NUDT4: variants seen among roughly 807,000 people sequenced by gnomAD.
NUDT4 encodes the protein diphosphoinositol polyphosphate phosphohydrolase 2.
In NUDT4, 5 loss-of-function variants were observed where a neutral mutation model predicts 23.1. The ratio of observed to expected loss-of-function variants is 0.22; its 90% CI spans 0.11 to 0.46. The LOEUF (loss-of-function observed/expected upper bound fraction) is 0.46. Among genes scored for constraint, NUDT4 ranks in the 20% least tolerant of loss-of-function variants. NUDT4 has a pLI of 0.99. For synonymous variants in NUDT4, 50 were observed against 79.0 expected, an observed-to-expected ratio of 0.63 and a Z score of 1.95; for missense variants, 96 against 211.6, an observed-to-expected ratio of 0.45 and a Z score of 3.39.
chr12:93,384,456 C>T (rs140638275), intron 1 of NUDT4, among the ~76,000 whole-genome samples: 4 of 152,258 alleles, frequency 2.6e-5, no homozygotes, highest in African/African-American at 9.6e-5. Flanking sequence ...CGTGAGCCAC[C>T]GTGCCTGGCC....
rs1329839236 is a variant in NUDT4, at chr12:93,406,770, T to A, written c.*7391T>A. 2 of 151,866 alleles carry A rather than the reference T, an allele frequency of 1.3e-5. No individual in the cohort carries two copies. The highest frequency in any genetic ancestry group is 1.9e-4 in the East Asian group (1 of 5,176). 9.4% of individuals were successfully genotyped at this position (151,866 alleles called of 1,614,324 possible). A position where few individuals can be genotyped will look rare whatever the true frequency, so the allele number is the denominator to read the frequency against. ...GTGTAGATTGTATGCATATACAACA[T>A]CATTTTATTCCAGAGACTTGAGCAT... On this transcript the variant is annotated 3_prime_UTR_variant, in exon 5 of 5. Coordinates refer to ENST00000415493, the MANE Select transcript of NUDT4 (RefSeq NM_019094.6).
At chr12:93,392,325 G>C (rs1237785974) in intron 1 of NUDT4, among the ~76,000 whole-genome samples, 1 of 140,604 alleles carries the variant, frequency 7.1e-6, no homozygotes. Context: ...GCATGATCTC[G>C]GCTCACTGCA....
At chr12:93,382,879 TC>T (rs917593825) in intron 1 of NUDT4, among the ~76,000 whole-genome samples, 10 of 152,010 alleles carry the variant, frequency 6.6e-5, no homozygotes, top group African/African-American at 2.4e-4. Flanking sequence ...GCCAGGATGG[TC>T]TTGATCTCCT....
intron 1 of NUDT4, among the ~76,000 whole-genome samples, chr12:93,381,984 A>G (rs10859488): frequency 0.49 from 75,007 of 152,034 alleles, 19,406 homozygotes; most frequent in African/African-American, 0.65. Context: ...CAGGCCAGGC[A>G]GGTGGCTCAT....
intron 1 of NUDT4, among the ~76,000 whole-genome samples, chr12:93,390,705 G>C (rs1160444323): frequency 6.6e-6 from 1 of 152,162 alleles, no homozygotes; most frequent in South Asian, 2.1e-4. Flanking sequence ...CCTGGGCTCA[G>C]GTGATCCCTT....
rs183176380 is a variant in NUDT4 at position 93,384,714 on chromosome 12, T to G, written c.99+6293T>G. ...ATAGATCATTCTAATTCATAGACTT[T>G]TATCCAATAAGATTTAGGGTTGGTT... On this transcript the variant is annotated intron_variant, in intron 1 of 4. Coordinates refer to ENST00000415493, the MANE Select transcript of NUDT4 (RefSeq NM_019094.6). 3.5e-3 allele frequency among the ~76,000 whole-genome samples: 537 copies of G among 152,300 alleles called. 2 individuals carry two copies. Among genetic ancestry groups the G allele is most frequent in the Non-Finnish European group, 5.8e-3 (395 of 68,034 alleles).
intron 1 of NUDT4, among the ~76,000 whole-genome samples, chr12:93,389,113 G>A (rs1407948682): frequency 1.3e-5 from 2 of 152,210 alleles, no homozygotes; most frequent in Non-Finnish European, 2.9e-5. Context: ...TAAGCTAGTA[G>A]TTTAGATGTG....
At chr12:93,384,207 C>T (rs1226985018) in intron 1 of NUDT4, among the ~76,000 whole-genome samples, 2 of 151,322 alleles carry the variant, frequency 1.3e-5, no homozygotes, top group African/African-American at 2.4e-5. Context: ...CTCGCTCTGT[C>T]ACCAGGCTGG....
intron 1 of NUDT4, among the ~76,000 whole-genome samples, chr12:93,379,683 A>G (rs1875514269): frequency 1.3e-5 from 2 of 152,214 alleles, no homozygotes; most frequent in Admixed American, 1.3e-4. Flanking sequence ...GTGCAGAGAA[A>G]TACGGCCCCA....
rs1237480465 is a variant in NUDT4, at chr12:93,378,358, C to T, written c.36C>T (p.Tyr12=). 3.3e-6 allele frequency: 5 copies of T among 1,532,008 alleles called. No individual in the cohort carries two copies. The African/African-American group carries it at 5.5e-5, about 17-fold the overall frequency. The allele number at this position is 1,532,008 out of a possible 1,614,324, so 94.9% of individuals were successfully genotyped here. A position where few individuals can be genotyped will look rare whatever the true frequency, so the allele number is the denominator to read the frequency against. The change falls in exon 1 of 5, where the codon TAC becomes TAT. Residue 12 remains tyrosine (Y), a synonymous_variant. Coordinates refer to ENST00000415493, the MANE Select transcript of NUDT4 (RefSeq NM_019094.6). ...TCAAGCCCAACCAGACGCGGACCTA[C>T]GACCGCGAGGGCTTCAAGAAGCGGG... ...MKFKPNQTRT[Y]DREGFKKRAA... is the part of the protein sequence containing the mutation.
intron 1 of NUDT4, among the ~76,000 whole-genome samples, 168 bp from the exon 2 acceptor site, chr12:93,394,441 A>G (rs995747585): frequency 2.0e-5 from 3 of 152,254 alleles, no homozygotes; most frequent in African/African-American, 4.8e-5. Flanking sequence ...TGTTTAACAA[A>G]GGTTGTCAAT....
chr12:93,397,705 A>C lies in NUDT4; in HGVS notation c.256-1066A>C, dbSNP rs114047443. ...GCCCGGCTAATATTTTCGTATTTTT[A>C]GTAGAGACGGGGTTTCACCATGTTG... On this transcript the variant is annotated intron_variant, in intron 3 of 4. Coordinates refer to ENST00000415493, the MANE Select transcript of NUDT4 (RefSeq NM_019094.6). Among the ~76,000 whole-genome samples, 1,505 of 152,122 alleles carry C rather than the reference A, an allele frequency of 9.9e-3. 30 individuals are homozygous for C. Among genetic ancestry groups the C allele is most frequent in the African/African-American group, 0.034 (1,420 of 41,508 alleles).
At chr12:93,380,386 ATAT>A in intron 1 of NUDT4, among the ~76,000 whole-genome samples, 1 of 152,202 alleles carries the variant, frequency 6.6e-6, no homozygotes, top group Non-Finnish European at 1.5e-5. Flanking sequence ...TTATGCTTGG[ATAT>A]TATTTCTACT....
At chr12:93,389,454 T>C (rs1184595329) in intron 1 of NUDT4, among the ~76,000 whole-genome samples, 1 of 151,818 alleles carries the variant, frequency 6.6e-6, no homozygotes, top group Non-Finnish European at 1.5e-5. Flanking sequence ...TGGATTGTGC[T>C]AAATCACTTA....
chr12:93,392,887 T>G (rs1876655348), intron 1 of NUDT4, among the ~76,000 whole-genome samples: 1 of 133,294 alleles, frequency 7.5e-6, no homozygotes, highest in Non-Finnish European at 1.6e-5. Flanking sequence ...CCATGTTTTG[T>G]CCAGGCTGGT....
intron 1 of NUDT4, among the ~76,000 whole-genome samples, chr12:93,382,299 A>G (rs896270588): frequency 6.6e-6 from 1 of 150,428 alleles, no homozygotes; most frequent in Non-Finnish European, 1.5e-5. Context: ...AAAAACCACT[A>G]CTCTTCCATA....
intron 1 of NUDT4, among the ~76,000 whole-genome samples, chr12:93,380,627 A>G (rs554867162): frequency 3.0e-4 from 45 of 152,336 alleles, no homozygotes; most frequent in African/African-American, 9.6e-4. Flanking sequence ...TGCACAGCCA[A>G]TTTTAACATC....
chr12:93,398,667 G>A (rs765663933), intron 3 of NUDT4, 104 bp from the exon 4 acceptor site: 11 of 692,236 alleles, frequency 1.6e-5, no homozygotes, highest in Non-Finnish European at 2.3e-5. Flanking sequence ...TGGGAAATAC[G>A]CTATGCTAAT....
At chr12:93,390,782 T>G (rs1176346259) in intron 1 of NUDT4, among the ~76,000 whole-genome samples, 1 of 152,080 alleles carries the variant, frequency 6.6e-6, no homozygotes, top group East Asian at 1.9e-4. Context: ...ATTTCTGTAT[T>G]TTTTTGTAGA....
Sources: allele counts gnomAD v4.1 joint callset (sites outside exome capture counted in the v4.1 genomes callset), GRCh38; gene constraint gnomAD v4.1.1; transcripts MANE v1.5; gene names NCBI Gene and HGNC (gene_info 2026-07-23, HGNC 2026-07-21).